The following EHMT1 variants were observed in gnomAD, a reference collection of about 807,000 sequenced individuals.
EHMT1 encodes the protein euchromatic histone lysine methyltransferase 1.
A neutral mutation model predicts 147.2 loss-of-function variants in EHMT1; 15 were observed. The observed-to-expected ratio is 0.10, with a 90% confidence interval of 0.07 to 0.16. The LOEUF is 0.16. EHMT1 is among the 10% of genes least tolerant of loss of function. The probability of loss-of-function intolerance (pLI) is 1.00; values close to 1 mark genes in which losing one functional copy is unlikely to be tolerated. For synonymous variants in EHMT1, 795 were observed against 709.6 expected (o/e 1.12, Z -1.91); for missense variants, 1,587 against 1,772.4 (o/e 0.90, Z 1.88).
At chr9:137,789,875 G>A (rs1288975239) in intron 15 of EHMT1, among the ~76,000 whole-genome samples, 4 of 152,170 alleles carry the variant, frequency 2.6e-5, no homozygotes, top group African/African-American at 7.2e-5. Context: ...GATTACAGGC[G>A]CCAGGCACCA....
At chr9:137,743,219 C>A in intron 4 of EHMT1, 152 bp from the exon 5 acceptor site, 1 of 830,872 alleles carries the variant, frequency 1.2e-6, no homozygotes, top group Non-Finnish European at 1.9e-6. Context: ...TGTCACTGTG[C>A]TGATGACCTG....
intron 1 of EHMT1, among the ~76,000 whole-genome samples, chr9:137,670,711 T>A (rs1940491194): frequency 6.6e-6 from 1 of 152,194 alleles, no homozygotes; most frequent in Admixed American, 6.5e-5. Flanking sequence ...CTGCCCCTCC[T>A]GGCTCCAGTT....
intron 1 of EHMT1, among the ~76,000 whole-genome samples, chr9:137,682,652 C>T (rs1256127893): frequency 6.6e-6 from 1 of 152,198 alleles, no homozygotes; most frequent in African/African-American, 2.4e-5. Flanking sequence ...TGTCACCTCA[C>T]ATGACAAGGA....
intron 7 of EHMT1, among the ~76,000 whole-genome samples, chr9:137,753,228 G>A (rs1205467681): frequency 1.3e-5 from 2 of 152,180 alleles, no homozygotes; most frequent in East Asian, 1.9e-4. Flanking sequence ...GGCTCACGGT[G>A]TGGGCTCATT....
At chr9:137,790,218 G>A (rs970106749) in intron 15 of EHMT1, among the ~76,000 whole-genome samples, 4 of 152,188 alleles carry the variant, frequency 2.6e-5, no homozygotes, top group Non-Finnish European at 5.9e-5. Flanking sequence ...TGTCATCTAA[G>A]AAGTTTTTCC....
chr9:137,717,636 C>T (rs1316440339), intron 3 of EHMT1, among the ~76,000 whole-genome samples: 1 of 148,682 alleles, frequency 6.7e-6, no homozygotes, highest in African/African-American at 2.5e-5. Flanking sequence ...AGAGATGCTG[C>T]TAATGCCTTG....
chr9:137,798,913 A>G lies in EHMT1; in HGVS notation c.2606A>G (p.Gln869Arg). 6.2e-7 allele frequency: 1 copy of G among 1,610,246 alleles called. No homozygotes were observed. The highest frequency in any genetic ancestry group is 8.5e-7 in the Non-Finnish European group (1 of 1,176,478). ...AATGGACAGATGGACGTCAACTGTC[A>G]GGTACAGCCACCCCCTCCCCTTAGC... ...LSNGQMDVNC[Q>R]DDGGWTPMIW... The change falls in exon 17 of 27, where the codon CAG becomes CGG. Residue 869 changes from glutamine to arginine, a missense_variant and splice_region_variant. Gln to Arg is a conservative substitution (Grantham distance 43). Transcript: ENST00000460843.
Position 137,743,986 on chromosome 9 carries a change from C to T in EHMT1, c.1066C>T (p.Leu356Phe). Residue 356 changes from leucine (L) to phenylalanine (F), a missense_variant, in exon 6 of 27, where the codon CTC becomes TTC. By Grantham distance (22) the Leu-to-Phe change is conservative (BLOSUM62 0). Transcript: ENST00000460843. ...CTCGGATGAGGACGACTCAGAGGAG[C>T]TCGAGGAGGACGACGGCCATGGTGC... is the stretch of plus-strand genomic sequence containing the variant. ...MDSDEDDSEE[L>F]EEDDGHGAEQ... 6.2e-7 allele frequency: 1 copy of T among 1,614,032 alleles called. No individual in the cohort carries two copies. The highest frequency in any genetic ancestry group is 8.5e-7 in the Non-Finnish European group (1 of 1,179,976).
chr9:137,619,491 C>T (rs116962595), intron 1 of EHMT1, among the ~76,000 whole-genome samples: 194 of 152,202 alleles, frequency 1.3e-3, no homozygotes, highest in Middle Eastern at 3.4e-3. Flanking sequence ...GCGAGGCTGT[C>T]CCTCCTCTCG....
chr9:137,672,051 A>G (rs1345713413), intron 1 of EHMT1, among the ~76,000 whole-genome samples: 2 of 152,338 alleles, frequency 1.3e-5, no homozygotes, highest in Non-Finnish European at 2.9e-5. Context: ...CTCCGGCTAC[A>G]TACAGATGTG....
intron 1 of EHMT1, among the ~76,000 whole-genome samples, chr9:137,702,431 T>C (rs1310959042): frequency 6.6e-6 from 1 of 152,194 alleles, no homozygotes; most frequent in Non-Finnish European, 1.5e-5. Context: ...GGCTACAGGC[T>C]CCATGTAAGT....
rs562412455 is a variant in EHMT1 at position 137,813,259 on chromosome 9, G to A, written c.3035+86G>A. ...TGCGGTGAAAGCTGCTCCTGAAGCC[G>A]AAACATCCCCAGGCTGCAGTCCAAA... On this transcript the variant is annotated intron_variant, in intron 20 of 26. Transcript: ENST00000460843. The surrounding 1 kb of genome is among the most constrained non-coding windows in gnomAD (Gnocchi z 4.9). 173 of 1,566,398 alleles carry A rather than the reference G, an allele frequency of 1.1e-4. No homozygotes were observed. The South Asian group carries it at 1.1e-3, about 10-fold the overall frequency.
chr9:137,718,704 AT>A (rs904817739), intron 3 of EHMT1, among the ~76,000 whole-genome samples: 20 of 147,126 alleles, frequency 1.4e-4, no homozygotes, highest in African/African-American at 4.8e-4. Context: ...TCTGACATAA[AT>A]TTTTTTCATG....
At chr9:137,792,469 C>G (rs896460342) in intron 16 of EHMT1, among the ~76,000 whole-genome samples, 1 of 152,194 alleles carries the variant, frequency 6.6e-6, no homozygotes, top group African/African-American at 2.4e-5. Flanking sequence ...CGTTGGGAGG[C>G]TGAGGCAGGT....
At position 137,717,014 on chromosome 9, in the gene EHMT1, G is replaced by T. The variant is rs898224027; in HGVS notation, c.474G>T (p.Gly158=). The T allele has an allele frequency of 6.2e-7, 1 of 1,606,592 alleles. No individual in the cohort carries two copies. Among genetic ancestry groups the T allele is most frequent in the South Asian group, 1.1e-5 (1 of 90,938 alleles). ...ATGCTGCAAAAACCCTTCCTGGAGG[G>T]GCTGGCAAAGGCAGGACTCCAAGCG... ...PGHAAKTLPG[G]AGKGRTPSAF... is the part of the protein sequence containing the mutation. Residue 158 remains glycine, a synonymous_variant, in exon 3 of 27, where the codon GGG becomes GGT. Transcript: ENST00000460843.
intron 1 of EHMT1, among the ~76,000 whole-genome samples, chr9:137,658,570 T>C (rs1171124223): frequency 6.6e-6 from 1 of 152,110 alleles, no homozygotes; most frequent in African/African-American, 2.4e-5. Context: ...CAATTATCTT[T>C]TGTTTTTTTT....
chr9:137,802,570 C>T (rs1319557036), intron 18 of EHMT1: 7 of 398,378 alleles, frequency 1.8e-5, no homozygotes, highest in East Asian at 3.6e-5. Flanking sequence ...GCTGACACTT[C>T]CTCTCAGAGC....
At chr9:137,687,952 T>C (rs1942602293) in intron 1 of EHMT1, among the ~76,000 whole-genome samples, 1 of 152,268 alleles carries the variant, frequency 6.6e-6, no homozygotes, top group Non-Finnish European at 1.5e-5. Context: ...TTGATTTCTT[T>C]CAACTATGTT....
chr9:137,717,229 GT>G (rs1945417928), intron 3 of EHMT1, 47 bp downstream of exon 3: 4 of 1,600,968 alleles, frequency 2.5e-6, no homozygotes, highest in Non-Finnish European at 3.4e-6. Context: ...CATCTCTTTT[GT>G]TTTAATAACG....
Sources: gnomAD v4.1 joint callset for allele counts (sites outside exome capture counted in the v4.1 genomes callset) on GRCh38, gnomAD v4.1.1 for gene constraint, Gnocchi (gnomAD v3.1) non-coding constraint, MANE v1.5 for transcripts, NCBI Gene and HGNC (gene_info 2026-07-23, HGNC 2026-07-21) for gene names.